Variants in ST18 observed in about 807,000 individuals in gnomAD.
The protein encoded by ST18 is ST18 C2H2C-type zinc finger transcription factor, also known as suppression of tumorigenicity 18 protein.
ST18 carries 50 observed loss-of-function variants against 110.0 expected under a neutral mutation model. That is an observed-to-expected ratio of 0.45 (90% CI 0.36 to 0.58). The LOEUF (loss-of-function observed/expected upper bound fraction) is 0.58, where lower values mean the gene tolerates loss of function less well. Among genes scored for constraint, ST18 ranks in the 20% least tolerant of loss-of-function variants. The pLI, the probability that ST18 is intolerant of heterozygous loss-of-function variation, is 0.00. For missense variants in ST18, 1,306 were observed against 1,280.1 expected, an observed-to-expected ratio of 1.02 and a Z score of -0.31; for synonymous variants, 461 against 452.4, an observed-to-expected ratio of 1.02 and a Z score of -0.24.
At chr8:52,206,066 G>A (rs937571001) in intron 8 of ST18, among the ~76,000 whole-genome samples, 4 of 152,268 alleles carry the variant, frequency 2.6e-5, no homozygotes, top group South Asian at 2.1e-4. Flanking sequence ...CAGGAGGTGC[G>A]GGGTCTGGAC....
chr8:52,214,924 A>T (rs2083570980), intron 6 of ST18, among the ~76,000 whole-genome samples: 1 of 152,224 alleles, frequency 6.6e-6, no homozygotes, highest in Non-Finnish European at 1.5e-5. Context: ...CATCAAATCA[A>T]TTATCAAAGG....
At chr8:52,128,899 G>T (rs1221896912) in intron 22 of ST18, among the ~76,000 whole-genome samples, 2 of 152,182 alleles carry the variant, frequency 1.3e-5, no homozygotes, top group South Asian at 2.1e-4. Context: ...TACTTATAAG[G>T]GTGCTGTCTG....
intron 2 of ST18, among the ~76,000 whole-genome samples, chr8:52,278,400 A>G (rs1178547322): frequency 1.3e-5 from 2 of 152,206 alleles, no homozygotes; most frequent in African/African-American, 4.8e-5. Context: ...TAACATATAC[A>G]TGTGAGGAAG....
At chr8:52,326,964 A>G (rs1164780370) in intron 2 of ST18, among the ~76,000 whole-genome samples, 2 of 152,178 alleles carry the variant, frequency 1.3e-5, no homozygotes, top group Non-Finnish European at 2.9e-5. Context: ...CCAGAGAGGC[A>G]GTGTTCAAGG....
chr8:52,300,399 C>T lies in ST18; in HGVS notation c.-464-70322G>A, dbSNP rs1404729591. Among the ~76,000 whole-genome samples, 77 of 152,278 alleles carry T rather than the reference C, an allele frequency of 5.1e-4. 1 individual carries two copies. The highest frequency in any genetic ancestry group is 1.5e-5 in the Non-Finnish European group (1 of 68,018). ...TTAATAAAAGTAGATTAAAGGATGACTAAATTCTTAATATGGTAAGTAACT... is the reference window on the plus strand; with the variant it reads ...TTAATAAAAGTAGATTAAAGGATGATTAAATTCTTAATATGGTAAGTAACT... On this transcript the variant is annotated intron_variant, in intron 2 of 25. Coordinates refer to ENST00000689386, the MANE Select transcript of ST18 (RefSeq NM_001352837.2).
intron 19 of ST18, among the ~76,000 whole-genome samples, chr8:52,134,467 C>G (rs10109716): frequency 0.31 from 47,656 of 152,150 alleles, 11,146 homozygotes; most frequent in African/African-American, 0.67. Context: ...CTGTGGTTCA[C>G]ATCAAATTTC....
chr8:52,357,710 TA>T lies in ST18; in HGVS notation c.-465+51617del, dbSNP rs1564568536. 7.9e-3 allele frequency among the ~76,000 whole-genome samples: 603 copies of T among 76,088 alleles called. 10 individuals are homozygous for T. The highest frequency in any genetic ancestry group is 0.031 in the African/African-American group (400 of 12,940). 49.9% of individuals were successfully genotyped at this position (76,088 alleles called of 152,430 possible). A position where few individuals can be genotyped will look rare whatever the true frequency, so the allele number is the denominator to read the frequency against. ...ATATATATATATATATATATATATA[TA>T]TATATATATATATATATATAAAACA... is the stretch of plus-strand genomic sequence containing the variant. On this transcript the variant is annotated intron_variant, in intron 2 of 25. Coordinates refer to ENST00000689386, the MANE Select transcript of ST18 (RefSeq NM_001352837.2).
rs1465631272 is a variant in ST18, at chr8:52,110,848, T to C, written c.*2350A>G. The C allele has an allele frequency of 2.6e-6, 1 of 380,626 alleles. No homozygotes were observed. Among genetic ancestry groups the C allele is most frequent in the Non-Finnish European group, 4.7e-6 (1 of 214,400 alleles). 23.6% of individuals were successfully genotyped at this position (380,626 alleles called of 1,614,324 possible). On this transcript the variant is annotated 3_prime_UTR_variant, in exon 26 of 26. Coordinates refer to ENST00000689386, the MANE Select transcript of ST18 (RefSeq NM_001352837.2). ...AGATCACATCAAAACTCGTTATCAATTTTTATTTCCTACCATACACCAAAT... is the reference window on the plus strand; with the variant it reads ...AGATCACATCAAAACTCGTTATCAACTTTTATTTCCTACCATACACCAAAT...
chr8:52,387,719 A>T (rs1333487096), intron 2 of ST18, among the ~76,000 whole-genome samples: 1 of 152,176 alleles, frequency 6.6e-6, no homozygotes, highest in Non-Finnish European at 1.5e-5. Flanking sequence ...TGACCCAAGC[A>T]GACGAATAAT....
intron 8 of ST18, among the ~76,000 whole-genome samples, chr8:52,211,500 G>A (rs1384071559): frequency 6.6e-6 from 1 of 151,414 alleles, no homozygotes; most frequent in African/African-American, 2.4e-5. Flanking sequence ...TCCGCTTCCC[G>A]GGTTCAAGCA....
intron 15 of ST18, among the ~76,000 whole-genome samples, chr8:52,158,578 G>C (rs533065349): frequency 3.3e-5 from 5 of 152,144 alleles, no homozygotes; most frequent in African/African-American, 9.7e-5. Flanking sequence ...CTTTTCTTGT[G>C]TGCCAAATTC....
intron 18 of ST18, among the ~76,000 whole-genome samples, chr8:52,137,018 T>G (rs369664778): frequency 6.6e-6 from 1 of 152,254 alleles, no homozygotes; most frequent in East Asian, 1.9e-4. Flanking sequence ...AGATGGTGAG[T>G]AGAAAGATTA....
Position 52,113,210 on chromosome 8 carries a change from AC to A in ST18, c.3131del (p.Gly1044ValfsTer19). ...CAGCGCTGTGATCCTACACATGGAT[AC>A]CCTTCACTGCCTGTTTGATACTTTC... ...LLESIKQAVK[G>X]IHV On this transcript the variant is annotated frameshift_variant, in exon 26 of 26. Transcript: ENST00000689386. LOFTEE classifies it high-confidence loss of function. 1 of 1,614,026 alleles carries A rather than the reference AC, an allele frequency of 6.2e-7. No homozygotes were observed. Among genetic ancestry groups the A allele is most frequent in the Non-Finnish European group, 8.5e-7 (1 of 1,179,942 alleles).
At chr8:52,202,461 A>T (rs566977231) in intron 8 of ST18, among the ~76,000 whole-genome samples, 58 of 152,334 alleles carry the variant, frequency 3.8e-4, no homozygotes, top group South Asian at 1.0e-3. Context: ...TGTCTCCCCA[A>T]CGAAATTGTA....
chr8:52,176,286 G>A (rs1416226614), intron 9 of ST18, among the ~76,000 whole-genome samples: 1 of 152,166 alleles, frequency 6.6e-6, no homozygotes, highest in Non-Finnish European at 1.5e-5. Flanking sequence ...GCCTCCCAAA[G>A]TGCTGGGTTA....
intron 2 of ST18, among the ~76,000 whole-genome samples, chr8:52,379,864 A>G (rs1228604610): frequency 2.0e-5 from 3 of 152,238 alleles, no homozygotes; most frequent in African/African-American, 4.8e-5. Context: ...CCACTGTAAT[A>G]ATTTTGTAGC....
intron 2 of ST18, among the ~76,000 whole-genome samples, chr8:52,230,573 C>T (rs961781290): frequency 6.6e-6 from 1 of 152,188 alleles, no homozygotes; most frequent in African/African-American, 2.4e-5. Flanking sequence ...TACACTGGTT[C>T]ATCTGGAACT....
chr8:52,167,644 T>C (rs2133536810), intron 10 of ST18, among the ~76,000 whole-genome samples: 1 of 152,322 alleles, frequency 6.6e-6, no homozygotes, highest in East Asian at 1.9e-4. Context: ...GCTGCTGATC[T>C]CACTCTAAAT....
intron 3 of ST18, among the ~76,000 whole-genome samples, chr8:52,228,466 T>C (rs1189902845): frequency 2.0e-5 from 3 of 152,236 alleles, no homozygotes; most frequent in Admixed American, 2.0e-4. Flanking sequence ...CGTGTGTTCA[T>C]ATATTCATAC....
Sources: gnomAD v4.1 joint callset for allele counts (sites outside exome capture counted in the v4.1 genomes callset) on GRCh38, gnomAD v4.1.1 for gene constraint, MANE v1.5 for transcripts, NCBI Gene and HGNC (gene_info 2026-07-23, HGNC 2026-07-21) for gene names.